Variants in SPATA6L observed in about 807,000 individuals in gnomAD.
SPATA6L encodes the protein spermatogenesis associated 6-like protein.
SPATA6L carries 68 observed loss-of-function variants against 49.2 expected under a neutral mutation model. That is an observed-to-expected ratio of 1.38 (90% CI 1.14 to 1.69). The LOEUF (loss-of-function observed/expected upper bound fraction) is 1.69. Ranked by LOEUF, SPATA6L falls within the 40% of genes most tolerant of loss-of-function variation. The pLI, the probability that SPATA6L is intolerant of heterozygous loss-of-function variation, is 0.00. For synonymous variants in SPATA6L, 198 were observed against 165.7 expected (o/e 1.19, Z -1.50); for missense variants, 668 against 464.3 (o/e 1.44, Z -4.03).
chr9:4,634,220 C>T (rs1275993222), intron 4 of SPATA6L, among the ~76,000 whole-genome samples: 2 of 152,184 alleles, frequency 1.3e-5, no homozygotes, highest in Non-Finnish European at 2.9e-5. Context: ...TAATTCTCAT[C>T]AGTTTTTAAC....
chr9:4,666,228 T>C lies in SPATA6L; in HGVS notation c.23A>G (p.Glu8Gly). MPLEVVV[E>G]LQIRAISCPG... ...ATCTCTTACCGCCCGGATCTGCAGCTCCACCACCACCTCCAGAGGCATCGT... is the reference window on the plus strand; with the variant it reads ...ATCTCTTACCGCCCGGATCTGCAGCCCCACCACCACCTCCAGAGGCATCGT... Residue 8 changes from glutamate to glycine, a missense_variant, in exon 1 of 12, where the codon GAG becomes GGG. Coordinates refer to ENST00000682582, the MANE Select transcript of SPATA6L (RefSeq NM_001353486.2). 1 of 1,614,126 alleles carries C rather than the reference T, an allele frequency of 6.2e-7. No homozygotes were observed.
downstream of SPATA6L, among the ~76,000 whole-genome samples, chr9:4,595,113 T>C (rs1341265301): frequency 6.6e-6 from 1 of 152,224 alleles, no homozygotes; most frequent in East Asian, 1.9e-4. Flanking sequence ...TGTGTCCTTA[T>C]TTCTGCAGGG....
At chr9:4,627,908 T>C in intron 5 of SPATA6L, 1 of 821,164 alleles carries the variant, frequency 1.2e-6, no homozygotes, top group Non-Finnish European at 1.8e-6. Flanking sequence ...TACATACACA[T>C]AATGGAGTGC....
intron 11 of SPATA6L, among the ~76,000 whole-genome samples, chr9:4,602,837 A>C (rs1017866985): frequency 2.3e-4 from 35 of 152,338 alleles, no homozygotes; most frequent in African/African-American, 7.9e-4. Context: ...GACCTAACCT[A>C]TGCCTCAGTT....
At chr9:4,618,934 T>C (rs376389057) in intron 7 of SPATA6L, 36 bp from the exon 8 acceptor site, 52 of 1,600,202 alleles carry the variant, frequency 3.2e-5, no homozygotes, top group African/African-American at 5.4e-5. Context: ...CAATGACTCA[T>C]TATTACCATT....
chr9:4,660,672 C>T (rs1839432717), intron 2 of SPATA6L, among the ~76,000 whole-genome samples: 1 of 152,198 alleles, frequency 6.6e-6, no homozygotes. Context: ...CCAGCCATCC[C>T]ATTACTGGGT....
At chr9:4,602,684 T>G (rs1202237693) in intron 11 of SPATA6L, among the ~76,000 whole-genome samples, 1 of 152,184 alleles carries the variant, frequency 6.6e-6, no homozygotes, top group African/African-American at 2.4e-5. Context: ...GAACTCTGCT[T>G]GGGTTCCAAA....
chr9:4,663,208 G>T (rs1178849821), intron 1 of SPATA6L: 2 of 1,614,088 alleles, frequency 1.2e-6, no homozygotes, highest in Middle Eastern at 3.3e-4. Context: ...GTGGACTATT[G>T]CTGGCTCTCA....
At chr9:4,627,976 T>C (rs1830667540) in intron 5 of SPATA6L, 1 of 401,466 alleles carries the variant, frequency 2.5e-6, no homozygotes, top group African/African-American at 2.1e-5. Context: ...GAGGCCATTA[T>C]ATCAAGTGAA....
At position 4,656,478 on chromosome 9, in the gene SPATA6L, AAGGAAGGAAGGAAGGAAGGAAGGAAGGG is replaced by A. The variant is rs1395497167; in HGVS notation, c.178-417_178-390del. Among the ~76,000 whole-genome samples the A allele has an allele frequency of 5.9e-3, 892 of 150,762 alleles. 11 individuals are homozygous for A. Among genetic ancestry groups the A allele is most frequent in the African/African-American group, 0.02 (827 of 40,616 alleles). ...GAAGGAAGGAAGGAAGGAAGGAAGG[AAGGAAGGAAGGAAGGAAGGAAGGAAGGG>A]AGGAGCCGTAAATTATATTCTTCCA... is the stretch of plus-strand genomic sequence containing the variant. On this transcript the variant is annotated intron_variant, in intron 2 of 11. Transcript: ENST00000682582.
intron 5 of SPATA6L, chr9:4,626,997 G>C (rs1042830368): frequency 6.6e-6 from 1 of 151,884 alleles, no homozygotes; most frequent in African/African-American, 2.4e-5. Context: ...TTTTTTTTAA[G>C]TTTTGGGTCC....
chr9:4,643,075 T>G (rs1004572880), intron 3 of SPATA6L, among the ~76,000 whole-genome samples: 2 of 152,198 alleles, frequency 1.3e-5, no homozygotes, highest in African/African-American at 4.8e-5. Flanking sequence ...TGGTGCAATC[T>G]TAGCTCATTG....
chr9:4,666,362 C>A lies in SPATA6L; in HGVS notation c.-112G>T. 3 of 1,156,698 alleles carry A rather than the reference C, an allele frequency of 2.6e-6. No homozygotes were observed. The highest frequency in any genetic ancestry group is 3.8e-6 in the Non-Finnish European group (3 of 779,828). The allele number at this position is 1,156,698 out of a possible 1,614,324, so 71.7% of individuals were successfully genotyped here. A position where few individuals can be genotyped will look rare whatever the true frequency, so the allele number is the denominator to read the frequency against. The stretch of plus-strand genomic sequence containing the variant: ...CTAGAGCAAATGTTCCCAGAAGCTT[C>A]CCCAGTCCCACGCCCTTGTTCCCCT... On this transcript the variant is annotated 5_prime_UTR_variant, in exon 1 of 12. Coordinates refer to ENST00000682582, the MANE Select transcript of SPATA6L (RefSeq NM_001353486.2).
chr9:4,609,930 T>A (rs1826260209), intron 9 of SPATA6L, among the ~76,000 whole-genome samples: 1 of 152,034 alleles, frequency 6.6e-6, no homozygotes, highest in African/African-American at 2.4e-5. Flanking sequence ...CTTAAGCTGA[T>A]AAGCAACTTC....
chr9:4,617,816 C>A (rs890396300), intron 9 of SPATA6L, 107 bp downstream of exon 9: 1 of 909,964 alleles, frequency 1.1e-6, no homozygotes, highest in African/African-American at 1.7e-5. Context: ...ATCAAGGTGT[C>A]ACCAGCTGAA....
At chr9:4,602,456 C>A (rs1035967695) in intron 11 of SPATA6L, among the ~76,000 whole-genome samples, 7 of 152,142 alleles carry the variant, frequency 4.6e-5, no homozygotes, top group African/African-American at 1.7e-4. Context: ...GGTGGGGAGC[C>A]CTGGCCATTC....
At position 4,662,863 on chromosome 9, in the gene SPATA6L, G is replaced by T; in HGVS notation, c.40-827C>A. The T allele has an allele frequency of 6.2e-7, 1 of 1,605,458 alleles. No individual in the cohort carries two copies. On this transcript the variant is annotated intron_variant, in intron 1 of 11. Transcript: ENST00000682582. This position sits in a 1 kb window ranked among gnomAD's most constrained non-coding sequence, Gnocchi z 4.9. ...TGCAGGAGCGACAGCTGGGCCGGGCGCGAGGTGCTGATGAACCTGCTCTTC... is the reference window on the plus strand; with the variant it reads ...TGCAGGAGCGACAGCTGGGCCGGGCTCGAGGTGCTGATGAACCTGCTCTTC...
chr9:4,660,666 C>T (rs1422061605), intron 2 of SPATA6L, among the ~76,000 whole-genome samples: 1 of 152,198 alleles, frequency 6.6e-6, no homozygotes, highest in Non-Finnish European at 1.5e-5. Flanking sequence ...TTTGACCCAG[C>T]CATCCCATTA....
intron 9 of SPATA6L, among the ~76,000 whole-genome samples, chr9:4,607,503 G>A (rs1261456046): frequency 6.6e-6 from 1 of 152,172 alleles, no homozygotes; most frequent in Admixed American, 6.5e-5. Flanking sequence ...CATTCTTAAA[G>A]AAAAGAATTT....
Sources: gnomAD v4.1 joint callset for allele counts (sites outside exome capture counted in the v4.1 genomes callset) on GRCh38, gnomAD v4.1.1 for gene constraint, Gnocchi (gnomAD v3.1) non-coding constraint, MANE v1.5 for transcripts, NCBI Gene and HGNC (gene_info 2026-07-23, HGNC 2026-07-21) for gene names.